WWOX: variants seen among roughly 807,000 people sequenced by gnomAD.
WWOX encodes the protein WW domain containing oxidoreductase, also known as WW domain-containing oxidoreductase.
WWOX carries 69 observed loss-of-function variants against 46.2 expected under a neutral mutation model. The observed-to-expected ratio is 1.49, with a 90% CI of 1.23 to 1.82. WWOX has a LOEUF of 1.82. Among genes scored for constraint, WWOX ranks in the 40% most tolerant of loss-of-function variants. The probability of loss-of-function intolerance (pLI) is 0.00; values close to 1 mark genes in which losing one functional copy is unlikely to be tolerated. For synonymous variants in WWOX, 359 were observed against 202.6 expected, an observed-to-expected ratio of 1.77 and a Z score of -6.56; for missense variants, 919 against 542.6, an observed-to-expected ratio of 1.69 and a Z score of -6.89.
chr16:78,442,136 C>G (rs1056311031), intron 8 of WWOX, among the ~76,000 whole-genome samples: 3 of 150,932 alleles, frequency 2.0e-5, no homozygotes, highest in African/African-American at 7.3e-5. Context: ...GACCCTATCT[C>G]TAAAGGAAAA....
chr16:78,814,602 G>A (rs1242910178), intron 8 of WWOX, among the ~76,000 whole-genome samples: 1 of 152,168 alleles, frequency 6.6e-6, no homozygotes, highest in Non-Finnish European at 1.5e-5. Context: ...ATTTCAAGAT[G>A]TATCCTTTGT....
chr16:78,183,440 A>T (rs191236348), intron 5 of WWOX, among the ~76,000 whole-genome samples: 5 of 152,292 alleles, frequency 3.3e-5, no homozygotes, highest in South Asian at 2.1e-4. Context: ...AGTGGTTGAG[A>T]ACATGGATTT....
chr16:78,576,319 C>A (rs558635439), intron 8 of WWOX, among the ~76,000 whole-genome samples: 1 of 152,192 alleles, frequency 6.6e-6, no homozygotes, highest in African/African-American at 2.4e-5. Context: ...AGCTTTCTTT[C>A]TTTTATTCAA....
chr16:78,650,025 A>G (rs572585635), intron 8 of WWOX, among the ~76,000 whole-genome samples: 1 of 152,238 alleles, frequency 6.6e-6, no homozygotes, highest in East Asian at 1.9e-4. Context: ...TATTATTTGT[A>G]TATTGGAAGC....
chr16:78,392,725 A>G (rs919653318), intron 6 of WWOX, among the ~76,000 whole-genome samples: 3 of 152,126 alleles, frequency 2.0e-5, no homozygotes, highest in Non-Finnish European at 4.4e-5. Context: ...TTCGTGTTTA[A>G]TGTTTTCGTA....
At chr16:78,630,212 A>G (rs190690145) in intron 8 of WWOX, among the ~76,000 whole-genome samples, 2 of 152,318 alleles carry the variant, frequency 1.3e-5, no homozygotes, top group Admixed American at 6.5e-5. Flanking sequence ...TAAGTTTCAC[A>G]AGGCCAGGCA....
chr16:79,077,628 T>G (rs2048682483), intron 8 of WWOX: 2 of 143,546 alleles, frequency 1.4e-5, no homozygotes, highest in Non-Finnish European at 3.0e-5. Context: ...CCCAATGTCC[T>G]TAAATGGTCC....
chr16:78,642,283 G>C (rs1413552767), intron 8 of WWOX, among the ~76,000 whole-genome samples: 1 of 152,208 alleles, frequency 6.6e-6, no homozygotes, highest in Non-Finnish European at 1.5e-5. Flanking sequence ...ATGTAGGGAG[G>C]AGGTGGAGGA....
intron 8 of WWOX, among the ~76,000 whole-genome samples, chr16:78,758,021 G>T (rs949600653): frequency 6.6e-6 from 1 of 151,984 alleles, no homozygotes; most frequent in Non-Finnish European, 1.5e-5. Context: ...TCAAACTTCT[G>T]TCAATCTTTC....
chr16:78,323,445 AG>A (rs2080534780), intron 5 of WWOX, among the ~76,000 whole-genome samples: 1 of 152,072 alleles, frequency 6.6e-6, no homozygotes, highest in African/African-American at 2.4e-5. Context: ...TAAGCAAGCA[AG>A]GCTCAGTTAA....
chr16:79,136,281 A>T lies in WWOX; in HGVS notation c.1057-75327A>T, dbSNP rs976419999. Among the ~76,000 whole-genome samples, 3 of 149,920 alleles carry T rather than the reference A, an allele frequency of 2.0e-5. No individual in the cohort carries two copies. The South Asian group carries it at 6.3e-4, about 32-fold the overall frequency. ...GAGTCTTGCTCTTTTGCCAGGCTGG[A>T]GTGCAGTGGTGCAATCTCGGCTCAC... On this transcript the variant is annotated intron_variant, in intron 8 of 8. Coordinates refer to ENST00000566780, the MANE Select transcript of WWOX (RefSeq NM_016373.4).
intron 8 of WWOX, among the ~76,000 whole-genome samples, chr16:78,858,786 C>G (rs1408171836): frequency 6.6e-6 from 1 of 151,546 alleles, no homozygotes; most frequent in Non-Finnish European, 1.5e-5. Context: ...TTAAGTGATT[C>G]TCCCATCTCA....
intron 8 of WWOX, among the ~76,000 whole-genome samples, chr16:78,869,064 A>T (rs190737290): frequency 9.2e-5 from 14 of 152,296 alleles, no homozygotes; most frequent in Admixed American, 3.9e-4. Context: ...TCATTCAGAG[A>T]TAACCACTGT....
intron 8 of WWOX, among the ~76,000 whole-genome samples, chr16:78,831,811 C>T (rs999175872): frequency 1.3e-5 from 2 of 152,206 alleles, no homozygotes; most frequent in African/African-American, 4.8e-5. Flanking sequence ...ATCTGTAGCA[C>T]TGCATGTCAA....
intron 8 of WWOX, among the ~76,000 whole-genome samples, chr16:78,999,699 C>G (rs1265436151): frequency 2.6e-5 from 4 of 152,042 alleles, no homozygotes; most frequent in South Asian, 2.1e-4. Flanking sequence ...CTACTTAAGT[C>G]TAAGAGAGTT....
chr16:78,997,119 A>T (rs567184561), intron 8 of WWOX, among the ~76,000 whole-genome samples: 2 of 150,382 alleles, frequency 1.3e-5, no homozygotes, highest in East Asian at 4.0e-4. Flanking sequence ...CAATGTAGAC[A>T]TATGTTCGAG....
intron 8 of WWOX, among the ~76,000 whole-genome samples, chr16:78,850,330 A>G (rs149620266): frequency 2.7e-3 from 413 of 152,294 alleles, no homozygotes; most frequent in African/African-American, 9.6e-3. Context: ...TATTAGTTAT[A>G]ATACATTGAT....
chr16:78,267,936 G>C (rs2079402317), intron 5 of WWOX, among the ~76,000 whole-genome samples: 1 of 152,144 alleles, frequency 6.6e-6, no homozygotes, highest in East Asian at 1.9e-4. Flanking sequence ...TCCCACCTCA[G>C]CCTCCTGAGT....
At chr16:78,724,986 T>A (rs778426543) in intron 8 of WWOX, among the ~76,000 whole-genome samples, 1 of 152,154 alleles carries the variant, frequency 6.6e-6, no homozygotes. Context: ...ATTGGTGATA[T>A]GGTTTGGCTG....
Sources: gnomAD v4.1 joint callset for allele counts (sites outside exome capture counted in the v4.1 genomes callset) on GRCh38, gnomAD v4.1.1 for gene constraint, MANE v1.5 for transcripts, NCBI Gene and HGNC (gene_info 2026-07-23, HGNC 2026-07-21) for gene names.